RAB4A: variants seen among roughly 807,000 people sequenced by gnomAD.
RAB4A encodes the protein ras-related protein Rab-4A.
In RAB4A, 20 loss-of-function variants were observed where a neutral mutation model predicts 34.5. The ratio of observed to expected loss-of-function variants is 0.58; its 90% confidence interval spans 0.41 to 0.84. RAB4A has a LOEUF of 0.84. Among genes scored for constraint, RAB4A ranks in the 40% least tolerant of loss-of-function variants. RAB4A has a pLI of 0.00. For missense variants in RAB4A, 228 were observed against 274.5 expected, an observed-to-expected ratio of 0.83 and a Z score of 1.20; for synonymous variants, 102 against 100.0, an observed-to-expected ratio of 1.02 and a Z score of -0.12.
chr1:229,279,347 C>A (rs1035058208), intron 1 of RAB4A, among the ~76,000 whole-genome samples: 2 of 152,222 alleles, frequency 1.3e-5, no homozygotes, highest in Admixed American at 1.3e-4. Flanking sequence ...TCAAGGTCAT[C>A]ATTGACTATT....
At chr1:229,281,815 GTTATATAT>G (rs1656784871) in intron 1 of RAB4A, among the ~76,000 whole-genome samples, 1 of 35,230 alleles carries the variant, frequency 2.8e-5, no homozygotes, top group Admixed American at 4.6e-4. Flanking sequence ...ACTTATCATA[GTTATATAT>G]ATATATATAT....
chr1:229,291,540 A>C (rs1046183777), intron 3 of RAB4A, among the ~76,000 whole-genome samples: 1 of 152,222 alleles, frequency 6.6e-6, no homozygotes, highest in African/African-American at 2.4e-5. Flanking sequence ...TCAGTTTCCT[A>C]AACCTTTTGT....
intron 1 of RAB4A, among the ~76,000 whole-genome samples, chr1:229,285,239 G>A (rs1053615629): frequency 6.6e-6 from 1 of 151,902 alleles, no homozygotes; most frequent in Non-Finnish European, 1.5e-5. Context: ...TGAACTCCTG[G>A]GCTCAAACAA....
In RAB4A at chr1:229,276,338, C is replaced by G. The variant is rs187634066; in HGVS notation, c.31+4968C>G. 2.2e-4 allele frequency among the ~76,000 whole-genome samples: 33 copies of G among 151,250 alleles called. 1 individual carries two copies. The highest frequency in any genetic ancestry group is 8.1e-4 in the African/African-American group (33 of 40,610). ...GGGAGGCATGTAATGACTCCATGCT[C>G]GAGAACTTTGAAAGCATGGTTTTTT... On this transcript the variant is annotated intron_variant, in intron 1 of 7. Transcript: ENST00000366690.
chr1:229,303,066 C>A, intron 7 of RAB4A, 77 bp downstream of exon 7: 1 of 1,098,548 alleles, frequency 9.1e-7, no homozygotes, highest in South Asian at 1.3e-5. Context: ...TGGGAAGCTG[C>A]AGTATGAAAA....
At position 229,302,309 on chromosome 1, in the gene RAB4A, A is replaced by ATTTTTTTTT. The variant is rs869095524; in HGVS notation, c.542-545_542-537dup. ...TATATATATATATATATATATATAT[A>ATTTTTTTTT]TTTTTTTTTTTTTTTTACATGTGCA... is the stretch of plus-strand genomic sequence containing the variant. On this transcript the variant is annotated intron_variant, in intron 6 of 7. Transcript: ENST00000366690. 5.6e-4 allele frequency among the ~76,000 whole-genome samples: 20 copies of ATTTTTTTTT among 35,904 alleles called. 1 individual carries two copies. The highest frequency in any genetic ancestry group is 1.5e-3 in the African/African-American group (19 of 12,344). The allele number at this position is 35,904 out of a possible 152,430, so 23.6% of individuals were successfully genotyped here. A position where few individuals can be genotyped will look rare whatever the true frequency, so the allele number is the denominator to read the frequency against.
intron 1 of RAB4A, among the ~76,000 whole-genome samples, chr1:229,285,053 G>T (rs1656887370): frequency 6.6e-6 from 1 of 152,156 alleles, no homozygotes; most frequent in Admixed American, 6.5e-5. Flanking sequence ...CACCCAAGCT[G>T]GGGTGTGGTG....
At chr1:229,299,462 G>A (rs1357341017) in intron 6 of RAB4A, among the ~76,000 whole-genome samples, 1 of 152,180 alleles carries the variant, frequency 6.6e-6, no homozygotes, top group African/African-American at 2.4e-5. Context: ...GGGAGTTATA[G>A]GTACATGGTA....
intron 1 of RAB4A, among the ~76,000 whole-genome samples, chr1:229,276,269 C>T (rs1048945023): frequency 2.6e-5 from 4 of 151,400 alleles, no homozygotes; most frequent in Admixed American, 1.3e-4. Flanking sequence ...TGAGGGAGAT[C>T]GGCATCTGAC....
intron 1 of RAB4A, among the ~76,000 whole-genome samples, chr1:229,277,161 C>T (rs1656673231): frequency 6.6e-6 from 1 of 150,392 alleles, no homozygotes; most frequent in African/African-American, 2.5e-5. Context: ...AATCAGCCTC[C>T]TCAGTGTGTG....
Position 229,278,356 on chromosome 1 carries a change from C to A in RAB4A, c.31+6986C>A, listed in dbSNP as rs574013260. Among the ~76,000 whole-genome samples the A allele has an allele frequency of 2.0e-5, 3 of 152,312 alleles. No individual in the cohort carries two copies. The South Asian group carries it at 6.2e-4, about 32-fold the overall frequency. On this transcript the variant is annotated intron_variant, in intron 1 of 7. Coordinates refer to ENST00000366690, the MANE Select transcript of RAB4A (RefSeq NM_004578.4). ...ATTGAGATCATTGCAGATGTATGGT[C>A]TCTGCTTCCAGCTGGGTACTCAGTA...
At chr1:229,273,665 G>A (rs574688872) in intron 1 of RAB4A, among the ~76,000 whole-genome samples, 1 of 152,304 alleles carries the variant, frequency 6.6e-6, no homozygotes, top group Non-Finnish European at 1.5e-5. Context: ...CTTGAACCCA[G>A]GAGGTGAAGT....
At position 229,271,134 on chromosome 1, in the gene RAB4A, C is replaced by T. The variant is rs1013830707; in HGVS notation, c.-206C>T. ...TCCTCTTCCTCCTCGCGGTCGCGGC[C>T]GGACGGAGGGTGGAGGGCCCTGCGC... On this transcript the variant is annotated 5_prime_UTR_variant, in exon 1 of 8. Coordinates refer to ENST00000366690, the MANE Select transcript of RAB4A (RefSeq NM_004578.4). 7.7e-6 allele frequency: 3 copies of T among 389,232 alleles called. No homozygotes were observed. The highest frequency in any genetic ancestry group is 4.1e-5 in the East Asian group (1 of 24,328). 24.1% of individuals were successfully genotyped at this position (389,232 alleles called of 1,614,324 possible).
intron 1 of RAB4A, among the ~76,000 whole-genome samples, chr1:229,276,674 A>G (rs889245098): frequency 5.3e-5 from 8 of 151,484 alleles, no homozygotes; most frequent in East Asian, 1.9e-4. Context: ...TCCTGGATCT[A>G]TTGGGTTTCA....
At chr1:229,287,179 A>G (rs1656944785) in intron 2 of RAB4A, among the ~76,000 whole-genome samples, 1 of 152,240 alleles carries the variant, frequency 6.6e-6, no homozygotes, top group South Asian at 2.1e-4. Flanking sequence ...AGTTAGTGGC[A>G]GGTGGGTGAA....
chr1:229,294,202 C>T (rs1186085731), intron 3 of RAB4A, among the ~76,000 whole-genome samples: 2 of 152,164 alleles, frequency 1.3e-5, no homozygotes, highest in African/African-American at 4.8e-5. Flanking sequence ...ACATGTTTAT[C>T]AGGCAGTCTC....
chr1:229,273,657 T>A (rs185693767), intron 1 of RAB4A, among the ~76,000 whole-genome samples: 21 of 152,290 alleles, frequency 1.4e-4, no homozygotes, highest in Admixed American at 1.2e-3. Flanking sequence ...GAGAATTGCT[T>A]GAACCCAGGA....
chr1:229,278,135 G>T (rs1216815022), intron 1 of RAB4A, among the ~76,000 whole-genome samples: 1 of 152,176 alleles, frequency 6.6e-6, no homozygotes, highest in Admixed American at 6.5e-5. Flanking sequence ...AAAATGCTGG[G>T]ATTACAGGCA....
In RAB4A at chr1:229,293,539, T is replaced by C. The variant is rs565190293; in HGVS notation, c.228-2309T>C. Reference sequence around the variant, plus strand: ...CCTGGGACGAAGACCAAATATATATTTTTTAATTTAATTAGGCCACAGTTA... The same window carrying C: ...CCTGGGACGAAGACCAAATATATATCTTTTAATTTAATTAGGCCACAGTTA... On this transcript the variant is annotated intron_variant, in intron 3 of 7. Coordinates refer to ENST00000366690, the MANE Select transcript of RAB4A (RefSeq NM_004578.4). 3.3e-5 allele frequency among the ~76,000 whole-genome samples: 5 copies of C among 152,286 alleles called. No homozygotes were observed. The South Asian group carries it at 1.0e-3, about 32-fold the overall frequency.
Sources: allele counts gnomAD v4.1 joint callset (sites outside exome capture counted in the v4.1 genomes callset), GRCh38; gene constraint gnomAD v4.1.1; transcripts MANE v1.5; gene names NCBI Gene and HGNC (gene_info 2026-07-23, HGNC 2026-07-21).